Variants in HIP1 observed in about 807,000 individuals in gnomAD.
The protein encoded by HIP1 is huntingtin interacting protein 1, also known as huntingtin-interacting protein 1.
In HIP1, 65 loss-of-function variants were observed where a neutral mutation model predicts 147.6. The ratio of observed to expected loss-of-function variants is 0.44; its 90% CI spans 0.36 to 0.54. HIP1 has a LOEUF of 0.54. Ranked by LOEUF, HIP1 falls within the 20% of genes least tolerant of loss-of-function variation. HIP1 has a pLI of 0.00. For missense variants in HIP1, 1,061 were observed against 1,299.6 expected, an observed-to-expected ratio of 0.82 and a Z score of 2.82; for synonymous variants, 479 against 504.0, an observed-to-expected ratio of 0.95 and a Z score of 0.67.
At chr7:75,563,304 A>G in intron 9 of HIP1, 41 bp from the exon 10 acceptor site, 1 of 1,583,352 alleles carries the variant, frequency 6.3e-7, no homozygotes, top group African/African-American at 1.3e-5. Context: ...GGGTGTCTTC[A>G]TCAGCCCCAT....
chr7:75,627,865 G>A (rs1227996332), intron 1 of HIP1, among the ~76,000 whole-genome samples: 3 of 152,178 alleles, frequency 2.0e-5, no homozygotes, highest in East Asian at 3.9e-4. Context: ...CTGGGCACAG[G>A]GAAAGGGCCC....
intron 1 of HIP1, among the ~76,000 whole-genome samples, chr7:75,670,331 A>AT (rs1380526326): frequency 1.4e-5 from 2 of 147,650 alleles, no homozygotes; most frequent in African/African-American, 5.0e-5. Context: ...TATTTTTTGT[A>AT]TTTTTTCTAG....
chr7:75,696,143 A>G (rs1554518715), intron 1 of HIP1, among the ~76,000 whole-genome samples: 1 of 151,420 alleles, frequency 6.6e-6, no homozygotes, highest in East Asian at 2.0e-4. Context: ...GTGAGCCACC[A>G]TGCCCGGCTA....
At chr7:75,601,247 A>T (rs1372237813) in intron 1 of HIP1, among the ~76,000 whole-genome samples, 2 of 152,098 alleles carry the variant, frequency 1.3e-5, no homozygotes, top group African/African-American at 4.8e-5. Flanking sequence ...GGATCAGCAA[A>T]CTACAGTTAC....
chr7:75,557,683 C>G lies in HIP1; in HGVS notation c.1552G>C (p.Glu518Gln). Reference sequence around the variant, plus strand: ...CGCTGGCCCTGGTCACTGATGCGCTCCAACGAATCCTCCAGCTCTTTTTTC... The same window carrying G: ...CGCTGGCCCTGGTCACTGATGCGCTGCAACGAATCCTCCAGCTCTTTTTTC... ...REKKELEDSL[E>Q]RISDQGQRKT... Residue 518 changes from glutamate (E) to glutamine (Q), a missense_variant, in exon 16 of 31, where the codon GAG becomes CAG. Physicochemically the swap from Glu to Gln is conservative, Grantham distance 29 (BLOSUM62 2). Transcript: ENST00000336926. The G allele has an allele frequency of 1.2e-6, 2 of 1,614,088 alleles. No individual in the cohort carries two copies. The highest frequency in any genetic ancestry group is 1.7e-4 in the Middle Eastern group (1 of 6,060).
chr7:75,620,132 C>T (rs1797796394), intron 1 of HIP1, among the ~76,000 whole-genome samples: 1 of 152,208 alleles, frequency 6.6e-6, no homozygotes, highest in Non-Finnish European at 1.5e-5. Context: ...TGCCTGTAAT[C>T]CCAGCGCTTT....
intron 1 of HIP1, among the ~76,000 whole-genome samples, chr7:75,627,178 C>T (rs1798073781): frequency 1.3e-5 from 2 of 152,130 alleles, no homozygotes; most frequent in Non-Finnish European, 1.5e-5. Flanking sequence ...TCCTCGGGGA[C>T]AGAGAAGCCA....
intron 18 of HIP1, 40 bp downstream of exon 18, chr7:75,555,986 A>C (rs782663389): frequency 6.2e-7 from 1 of 1,608,168 alleles, no homozygotes; most frequent in East Asian, 2.2e-5. Flanking sequence ...CCTCGGTGGG[A>C]ATTCACAGGT....
Position 75,592,521 on chromosome 7 carries a change from G to A in HIP1, c.185-7C>T. The A allele has an allele frequency of 6.2e-7, 1 of 1,607,922 alleles. No homozygotes were observed. Among genetic ancestry groups the A allele is most frequent in the Non-Finnish European group, 8.5e-7 (1 of 1,178,670 alleles). On this transcript the variant is annotated splice_polypyrimidine_tract_variant and splice_region_variant and intron_variant, in intron 2 of 30. Transcript: ENST00000336926. ...TGGGTGCCCAGTATGCACGGTGAGG[G>A]GGGGTTATGGAAAACAACGGATGGG...
chr7:75,675,443 G>T (rs1429988044), intron 1 of HIP1, among the ~76,000 whole-genome samples: 2 of 152,030 alleles, frequency 1.3e-5, no homozygotes, highest in African/African-American at 4.8e-5. Context: ...TCAGGTGTTT[G>T]GCCTCACCTT....
At position 75,586,087 on chromosome 7, in the gene HIP1, T is replaced by A. The variant is rs145710951; in HGVS notation, c.465+666A>T. Among the ~76,000 whole-genome samples, 1,335 of 152,120 alleles carry A rather than the reference T, an allele frequency of 8.8e-3. 12 individuals are homozygous for A. Among genetic ancestry groups the A allele is most frequent in the Non-Finnish European group, 0.015 (1,027 of 68,006 alleles). On this transcript the variant is annotated intron_variant, in intron 5 of 30. Coordinates refer to ENST00000336926, the MANE Select transcript of HIP1 (RefSeq NM_005338.7). ...CCTCGACCTCCCATAATGCTCAGAT[T>A]ACAGGCATGAGCCACTGTGCCCAGC...
At chr7:75,638,625 C>G (rs1554510016) in intron 1 of HIP1, among the ~76,000 whole-genome samples, 11 of 151,408 alleles carry the variant, frequency 7.3e-5, no homozygotes. Context: ...CCCAGCGCCA[C>G]CTGTGCCTCC....
chr7:75,712,855 CCTT>C (rs1339074566), intron 1 of HIP1, among the ~76,000 whole-genome samples: 4 of 152,214 alleles, frequency 2.6e-5, no homozygotes, highest in Non-Finnish European at 5.9e-5. Context: ...TTTATATACT[CCTT>C]CATTCACTCA....
chr7:75,553,133 T>G (rs1554492428), intron 22 of HIP1, among the ~76,000 whole-genome samples: 1 of 152,108 alleles, frequency 6.6e-6, no homozygotes, highest in East Asian at 1.9e-4. Context: ...AGACAGGGTT[T>G]CACCCTGTTG....
chr7:75,591,613 A>G (rs1476619727), intron 4 of HIP1, among the ~76,000 whole-genome samples: 1 of 151,622 alleles, frequency 6.6e-6, no homozygotes. Context: ...GGCTGGGCAC[A>G]GTGGCTCATG....
chr7:75,654,119 G>C (rs1799075084), intron 1 of HIP1, among the ~76,000 whole-genome samples: 1 of 152,110 alleles, frequency 6.6e-6, no homozygotes, highest in African/African-American at 2.4e-5. Flanking sequence ...ACATGGCCGG[G>C]CGCAGGGGCT....
At chr7:75,561,470 A>C in intron 12 of HIP1, 69 bp from the exon 13 acceptor site, 1 of 1,004,190 alleles carries the variant, frequency 1.0e-6, no homozygotes. Flanking sequence ...TTGTGAGCTC[A>C]GGGGAGGAAA....
In HIP1 at chr7:75,548,900, G is replaced by A. The variant is rs1554491542; in HGVS notation, c.2397C>T (p.Ala799=). 1.2e-6 allele frequency: 2 copies of A among 1,611,838 alleles called. No individual in the cohort carries two copies. Among genetic ancestry groups the A allele is most frequent in the South Asian group, 1.1e-5 (1 of 91,036 alleles). Reference sequence around the variant, plus strand: ...TGCAGGAACCTCCTACCTCTATTCTGGCCGTGGCAGTTTCAATAGCAGCTG... The same window carrying A: ...TGCAGGAACCTCCTACCTCTATTCTAGCCGTGGCAGTTTCAATAGCAGCTG... ...ATSAAIETAT[A]RIEEMLSKSR... is the part of the protein sequence containing the mutation. The change falls in exon 23 of 31, where the codon GCC becomes GCT. Residue 799 remains alanine (A), a synonymous_variant. Transcript: ENST00000336926.
intron 1 of HIP1, among the ~76,000 whole-genome samples, chr7:75,607,270 C>G (rs1372295638): frequency 7.1e-6 from 1 of 140,294 alleles, no homozygotes; most frequent in Non-Finnish European, 1.5e-5. Flanking sequence ...TGCTCTGTTG[C>G]CCAGGCTGGA....
Sources: allele counts gnomAD v4.1 joint callset (sites outside exome capture counted in the v4.1 genomes callset), GRCh38; gene constraint gnomAD v4.1.1; transcripts MANE v1.5; gene names NCBI Gene and HGNC (gene_info 2026-07-23, HGNC 2026-07-21).